The following HECW2 variants were observed in gnomAD, a reference collection of about 807,000 sequenced individuals.
HECW2 encodes the protein E3 ubiquitin-protein ligase HECW2.
HECW2 carries 61 observed loss-of-function variants against 175.2 expected under a neutral mutation model. That is an observed-to-expected ratio of 0.35 (90% CI 0.28 to 0.43). The LOEUF (loss-of-function observed/expected upper bound fraction) is 0.43, where lower values mean the gene tolerates loss of function less well. Ranked by LOEUF, HECW2 falls within the 20% of genes least tolerant of loss-of-function variation. The pLI is 1.00. For missense variants in HECW2, 1,524 were observed against 2,000.5 expected (o/e 0.76, Z 4.54); for synonymous variants, 671 against 731.0 (o/e 0.92, Z 1.32).
intron 19 of HECW2, among the ~76,000 whole-genome samples, chr2:196,243,431 T>G (rs1688537204): frequency 6.6e-6 from 1 of 152,080 alleles, no homozygotes; most frequent in African/African-American, 2.4e-5. Context: ...CCTCCCAAAG[T>G]GCTGGGATTA....
At chr2:196,245,055 C>T (rs921741106) in intron 19 of HECW2, among the ~76,000 whole-genome samples, 1 of 151,998 alleles carries the variant, frequency 6.6e-6, no homozygotes, top group Non-Finnish European at 1.5e-5. Flanking sequence ...GTAATTGAAG[C>T]CTGAGGGGAT....
intron 2 of HECW2, among the ~76,000 whole-genome samples, chr2:196,432,029 G>T (rs1695727891): frequency 6.6e-6 from 1 of 152,198 alleles, no homozygotes; most frequent in South Asian, 2.1e-4. Context: ...TGGTGCTATT[G>T]GCATTTGGGG....
At chr2:196,590,147 C>A (rs569750424) in intron 1 of HECW2, among the ~76,000 whole-genome samples, 1 of 152,032 alleles carries the variant, frequency 6.6e-6, no homozygotes, top group African/African-American at 2.4e-5. Flanking sequence ...TCTAGGGTGA[C>A]CAGATAATTA....
At position 196,307,853 on chromosome 2, in the gene HECW2, C is replaced by A. The variant is rs1024989697; in HGVS notation, c.2585+82G>T. The A allele has an allele frequency of 3.1e-6, 4 of 1,279,308 alleles. No individual in the cohort carries two copies. The African/African-American group carries it at 4.5e-5, about 14-fold the overall frequency. The allele number at this position is 1,279,308 out of a possible 1,614,324, so 79.2% of individuals were successfully genotyped here. ...ACAGGACACACAAAGATCAAAGAGA[C>A]AACCATGTCTTCTACTTTGTGCCAA... On this transcript the variant is annotated intron_variant, in intron 11 of 28. Transcript: ENST00000644978.
chr2:196,538,499 T>A (rs967230145), intron 1 of HECW2, among the ~76,000 whole-genome samples: 2 of 152,186 alleles, frequency 1.3e-5, no homozygotes, highest in African/African-American at 4.8e-5. Flanking sequence ...GGGAAAGTTC[T>A]TTACACTCCT....
At position 196,197,761 on chromosome 2, in the gene HECW2, A is replaced by G. The variant is rs1482889137; in HGVS notation, c.*3516T>C. ...ATGAAACTGATGCCACAAGCCATCC[A>G]TGAAAATCAGCCACAACCCAGATGG... is the stretch of plus-strand genomic sequence containing the variant. On this transcript the variant is annotated 3_prime_UTR_variant, in exon 29 of 29. Transcript: ENST00000644978. 6.6e-6 allele frequency: 1 copy of G among 152,226 alleles called. No individual in the cohort carries two copies. The highest frequency in any genetic ancestry group is 1.5e-5 in the Non-Finnish European group (1 of 68,028). 9.4% of individuals were successfully genotyped at this position (152,226 alleles called of 1,614,324 possible).
intron 1 of HECW2, among the ~76,000 whole-genome samples, chr2:196,437,446 C>T (rs903025665): frequency 2.6e-5 from 4 of 151,352 alleles, no homozygotes; most frequent in Admixed American, 2.6e-4. Flanking sequence ...ACTCTGTCTC[C>T]ACTAAAAATA....
chr2:196,474,539 T>C (rs1032778111), intron 1 of HECW2, among the ~76,000 whole-genome samples: 14 of 152,186 alleles, frequency 9.2e-5, no homozygotes, highest in Non-Finnish European at 1.9e-4. Context: ...CAAACATTCA[T>C]TTGGACACCA....
chr2:196,523,770 G>A (rs1688514697), intron 1 of HECW2, among the ~76,000 whole-genome samples: 1 of 150,804 alleles, frequency 6.6e-6, no homozygotes, highest in Non-Finnish European at 1.5e-5. Context: ...TTATATGCTG[G>A]ATTACATTTA....
intron 1 of HECW2, among the ~76,000 whole-genome samples, chr2:196,487,923 T>G (rs898924719): frequency 1.3e-5 from 2 of 152,220 alleles, no homozygotes; most frequent in Non-Finnish European, 2.9e-5. Flanking sequence ...TTTTTAAATT[T>G]GCTGGCTAAT....
chr2:196,397,716 A>C (rs1694709451), intron 2 of HECW2, among the ~76,000 whole-genome samples: 1 of 152,226 alleles, frequency 6.6e-6, no homozygotes, highest in Non-Finnish European at 1.5e-5. Flanking sequence ...AAATTGCAAC[A>C]ATCTGTTTTC....
At chr2:196,403,824 C>T (rs974739620) in intron 2 of HECW2, among the ~76,000 whole-genome samples, 9 of 152,172 alleles carry the variant, frequency 5.9e-5, no homozygotes, top group East Asian at 3.9e-4. Context: ...AAGAACATGT[C>T]TGTCTTCCTG....
At position 196,248,631 on chromosome 2, in the gene HECW2, C is replaced by CAGAGAGAG. The variant is rs1553636705; in HGVS notation, c.3529+5281_3529+5288dup. Among the ~76,000 whole-genome samples, 37 of 148,378 alleles carry CAGAGAGAG rather than the reference C, an allele frequency of 2.5e-4. 1 individual carries two copies. The highest frequency in any genetic ancestry group is 8.9e-4 in the African/African-American group (35 of 39,326). On this transcript the variant is annotated intron_variant, in intron 19 of 28. Coordinates refer to ENST00000644978, the MANE Select transcript of HECW2 (RefSeq NM_001348768.2). Reference sequence around the variant, plus strand: ...ACACACACACACACACACACACACACAGAGAGAGACAGAGAGGAATAGAGA... The same window carrying CAGAGAGAG: ...ACACACACACACACACACACACACACAGAGAGAGAGAGAGAGACAGAGAGGAATAGAGA...
intron 13 of HECW2, among the ~76,000 whole-genome samples, chr2:196,305,979 T>C (rs1319161451): frequency 6.6e-6 from 1 of 152,014 alleles, no homozygotes; most frequent in African/African-American, 2.4e-5. Flanking sequence ...CTGTTATGGG[T>C]CCGATGTTTG....
At chr2:196,301,699 T>C (rs1244343459) in intron 13 of HECW2, among the ~76,000 whole-genome samples, 1 of 151,906 alleles carries the variant, frequency 6.6e-6, no homozygotes, top group Middle Eastern at 3.4e-3. Flanking sequence ...TCTATTCATA[T>C]CCTCTGCCCA....
intron 23 of HECW2, among the ~76,000 whole-genome samples, chr2:196,222,547 A>T (rs1391164955): frequency 6.6e-6 from 1 of 152,194 alleles, no homozygotes; most frequent in Admixed American, 6.5e-5. Flanking sequence ...GAAAGTCCTA[A>T]ATATATAATA....
chr2:196,273,938 C>T (rs1227464807), intron 16 of HECW2, 83 bp downstream of exon 16: 1 of 966,114 alleles, frequency 1.0e-6, no homozygotes, highest in Non-Finnish European at 1.6e-6. Flanking sequence ...AGCAGGCTAA[C>T]AACAGGGGAA....
At position 196,393,457 on chromosome 2, in the gene HECW2, A is replaced by G. The variant is rs1288913065; in HGVS notation, c.292+39675T>C. ...AAAGAACTTAAACAAATTTACAAGAAAAAAAATCAAACAACCCCATCAACA... is the reference window on the plus strand; with the variant it reads ...AAAGAACTTAAACAAATTTACAAGAGAAAAAATCAAACAACCCCATCAACA... On this transcript the variant is annotated intron_variant, in intron 2 of 28. Transcript: ENST00000644978. Among the ~76,000 whole-genome samples the G allele has an allele frequency of 3.7e-5, 4 of 108,652 alleles. No individual in the cohort carries two copies. The Admixed American group carries it at 4.6e-4, about 13-fold the overall frequency. The allele number at this position is 108,652 out of a possible 152,430, so 71.3% of individuals were successfully genotyped here. A position where few individuals can be genotyped will look rare whatever the true frequency, so the allele number is the denominator to read the frequency against.
chr2:196,500,382 TA>T (rs1248399024), intron 1 of HECW2, among the ~76,000 whole-genome samples: 1 of 152,120 alleles, frequency 6.6e-6, no homozygotes, highest in Non-Finnish European at 1.5e-5. Flanking sequence ...CATACATGCA[TA>T]CATACATACA....
Sources: allele counts gnomAD v4.1 joint callset (sites outside exome capture counted in the v4.1 genomes callset), GRCh38; gene constraint gnomAD v4.1.1; transcripts MANE v1.5; gene names NCBI Gene and HGNC (gene_info 2026-07-23, HGNC 2026-07-21).